Variants in RELN observed in about 807,000 individuals in gnomAD.
RELN encodes the protein reelin.
A neutral mutation model predicts 427.6 loss-of-function variants in RELN; 108 were observed. The observed-to-expected ratio is 0.25, with a 90% CI of 0.22 to 0.30. The LOEUF (loss-of-function observed/expected upper bound fraction) is 0.30, where lower values mean the gene tolerates loss of function less well. Among genes scored for constraint, RELN ranks in the 10% least tolerant of loss-of-function variants. The probability of loss-of-function intolerance (pLI) is 1.00; values close to 1 mark genes in which losing one functional copy is unlikely to be tolerated. For missense variants in RELN, 3,715 were observed against 4,302.8 expected (o/e 0.86, Z 3.82); for synonymous variants, 1,524 against 1,513.4 (o/e 1.01, Z -0.16).
chr7:103,914,724 A>G lies in RELN; in HGVS notation c.337+2351T>C, dbSNP rs538887397. 6.6e-5 allele frequency among the ~76,000 whole-genome samples: 10 copies of G among 152,228 alleles called. No homozygotes were observed. The South Asian group carries it at 1.7e-3, about 25-fold the overall frequency. On this transcript the variant is annotated intron_variant, in intron 2 of 64. Transcript: ENST00000428762. Reference sequence around the variant, plus strand: ...GACTTGGCTGAGGCACATAACTAAGAGATGAATACTGCATCTACAAGCAGG... The same window carrying G: ...GACTTGGCTGAGGCACATAACTAAGGGATGAATACTGCATCTACAAGCAGG...
chr7:103,899,708 T>C (rs1462276671), intron 2 of RELN, among the ~76,000 whole-genome samples: 2 of 152,104 alleles, frequency 1.3e-5, no homozygotes, highest in Non-Finnish European at 2.9e-5. Context: ...AACCACATTA[T>C]CTCAATAGAT....
intron 6 of RELN, among the ~76,000 whole-genome samples, chr7:103,739,549 G>A (rs1164701437): frequency 2.0e-5 from 3 of 152,222 alleles, no homozygotes; most frequent in Non-Finnish European, 2.9e-5. Context: ...CATTGGAATT[G>A]ATGCAATTCA....
At chr7:103,579,787 C>A (rs915395734) in intron 28 of RELN, among the ~76,000 whole-genome samples, 1 of 152,052 alleles carries the variant, frequency 6.6e-6, no homozygotes, top group Non-Finnish European at 1.5e-5. Flanking sequence ...TGCACTGTAC[C>A]CTTCCATCAC....
intron 6 of RELN, among the ~76,000 whole-genome samples, chr7:103,748,007 G>A (rs1336966520): frequency 6.6e-6 from 1 of 151,816 alleles, no homozygotes; most frequent in Non-Finnish European, 1.5e-5. Flanking sequence ...TGAAGAAAAT[G>A]AATTAGCTTC....
intron 24 of RELN, among the ~76,000 whole-genome samples, chr7:103,601,504 C>T (rs1034526474): frequency 3.3e-5 from 5 of 152,070 alleles, no homozygotes; most frequent in African/African-American, 4.8e-5. Context: ...CATATCAGCC[C>T]TGTAGCATAT....
rs1554449248 is a variant in RELN, at chr7:103,963,144, T to TTTTTTTTTC, written c.226+25986_226+25987insGAAAAAAAA. Among the ~76,000 whole-genome samples, 1,444 of 151,144 alleles carry TTTTTTTTTC rather than the reference T, an allele frequency of 9.6e-3. 40 individuals carry two copies. The highest frequency in any genetic ancestry group is 0.033 in the African/African-American group (1,351 of 40,958). ...TCCTCTTTTCGCCTTCTTTTTTTTT[T>TTTTTTTTTC]CTCATTGGCGCTTTCTACTCATTTC... On this transcript the variant is annotated intron_variant, in intron 1 of 64. Transcript: ENST00000428762.
chr7:103,701,089 A>G (rs1834081058), intron 8 of RELN, 83 bp from the exon 9 acceptor site: 2 of 827,462 alleles, frequency 2.4e-6, no homozygotes, highest in Admixed American at 3.7e-5. Flanking sequence ...ATTTTAGATA[A>G]TTTTTAAACT....
intron 64 of RELN, chr7:103,476,752 G>C (rs779339016): frequency 2.8e-5 from 11 of 395,250 alleles, no homozygotes. Context: ...TTGGGAATTA[G>C]GGGAATTTTT....
intron 8 of RELN, among the ~76,000 whole-genome samples, chr7:103,722,427 G>A (rs1016252029): frequency 1.3e-5 from 2 of 152,134 alleles, no homozygotes; most frequent in African/African-American, 4.8e-5. Context: ...AGGGGGTTTC[G>A]CTCTAATGGG....
intron 53 of RELN, among the ~76,000 whole-genome samples, chr7:103,500,008 G>GAACA: frequency 6.6e-6 from 1 of 152,258 alleles, no homozygotes; most frequent in East Asian, 1.9e-4. Flanking sequence ...TGAAGTATTA[G>GAACA]AACAAACACA....
chr7:103,477,919 T>C (rs1364265120), intron 64 of RELN, among the ~76,000 whole-genome samples: 1 of 152,220 alleles, frequency 6.6e-6, no homozygotes, highest in African/African-American at 2.4e-5. Flanking sequence ...TAGAGGAGAA[T>C]TGGTAAGTCA....
intron 2 of RELN, among the ~76,000 whole-genome samples, chr7:103,912,195 T>C (rs1795383495): frequency 6.7e-6 from 1 of 149,308 alleles, no homozygotes; most frequent in African/African-American, 2.5e-5. Flanking sequence ...ATTTTGTCAC[T>C]TTAAGCTTTT....
intron 10 of RELN, among the ~76,000 whole-genome samples, chr7:103,687,886 C>T (rs758017060): frequency 4.6e-5 from 7 of 152,072 alleles, no homozygotes; most frequent in South Asian, 2.1e-4. Flanking sequence ...CTTGTCATGG[C>T]GATCTGGCTC....
intron 3 of RELN, among the ~76,000 whole-genome samples, chr7:103,783,548 T>G (rs1002244369): frequency 3.9e-5 from 6 of 152,340 alleles, no homozygotes; most frequent in African/African-American, 1.4e-4. Context: ...TTCTGTCAAA[T>G]GTATAAATAC....
chr7:103,773,320 CGTCTCT>C lies in RELN; in HGVS notation c.544+3231_544+3236del, dbSNP rs759270835. Among the ~76,000 whole-genome samples the C allele has an allele frequency of 3.4e-4, 18 of 52,214 alleles. 1 individual carries two copies. Among genetic ancestry groups the C allele is most frequent in the Non-Finnish European group, 5.0e-4 (15 of 30,234 alleles). 34.3% of individuals were successfully genotyped at this position (52,214 alleles called of 152,430 possible). A position where few individuals can be genotyped will look rare whatever the true frequency, so the allele number is the denominator to read the frequency against. On this transcript the variant is annotated intron_variant, in intron 4 of 64. Transcript: ENST00000428762. The stretch of plus-strand genomic sequence containing the variant: ...CTCTCTCTCCCTCCCTCGCTCCCTC[CGTCTCT>C]CTCTCTCCCTCGCTTCCTCTCTCTC...
chr7:103,698,066 G>A lies in RELN; in HGVS notation c.930C>T (p.Ile310=), dbSNP rs751695466. ...IRAPSNVSTI[I]HILYLPEDAK... is the part of the protein sequence containing the mutation. ...CGTCCTCAGGAAGGTAGAGGATATG[G>A]ATGATTGTGCTGACATTGGAAGGGG... Residue 310 remains isoleucine (I), a synonymous_variant, in exon 10 of 65, where the codon ATC becomes ATT. Transcript: ENST00000428762. 2 of 1,613,808 alleles carry A rather than the reference G, an allele frequency of 1.2e-6. No homozygotes were observed. The highest frequency in any genetic ancestry group is 2.2e-5 in the South Asian group (2 of 91,090).
intron 4 of RELN, among the ~76,000 whole-genome samples, chr7:103,773,870 T>C (rs527821119): frequency 2.6e-5 from 4 of 152,284 alleles, no homozygotes; most frequent in African/African-American, 7.2e-5. Flanking sequence ...CTGTGATCCA[T>C]AGACCCGTCA....
intron 10 of RELN, among the ~76,000 whole-genome samples, chr7:103,692,183 G>A (rs149857180): frequency 6.6e-6 from 1 of 152,238 alleles, no homozygotes; most frequent in East Asian, 1.9e-4. Flanking sequence ...CTGAGATCCT[G>A]TCCCAGTGGG....
At chr7:103,936,597 A>G (rs1444117160) in intron 1 of RELN, among the ~76,000 whole-genome samples, 1 of 152,062 alleles carries the variant, frequency 6.6e-6, no homozygotes, top group Non-Finnish European at 1.5e-5. Flanking sequence ...CTTACTATTC[A>G]GCCTCATCTT....
Sources: gnomAD v4.1 joint callset for allele counts (sites outside exome capture counted in the v4.1 genomes callset) on GRCh38, gnomAD v4.1.1 for gene constraint, MANE v1.5 for transcripts, NCBI Gene and HGNC (gene_info 2026-07-23, HGNC 2026-07-21) for gene names.